PIKFYVE: variants seen among roughly 807,000 people sequenced by gnomAD.
PIKFYVE encodes the protein 1-phosphatidylinositol 3-phosphate 5-kinase.
Under a neutral mutation model 257.9 loss-of-function variants are expected in PIKFYVE, and 122 were observed. The ratio of observed to expected loss-of-function variants is 0.47; its 90% CI spans 0.41 to 0.55. The LOEUF (loss-of-function observed/expected upper bound fraction) is 0.55, where lower values mean the gene tolerates loss of function less well. PIKFYVE is among the 20% of genes least tolerant of loss of function. The probability of loss-of-function intolerance (pLI) is 0.00; values close to 1 mark genes in which losing one functional copy is unlikely to be tolerated. For synonymous variants in PIKFYVE, 892 were observed against 868.9 expected, an observed-to-expected ratio of 1.03 and a Z score of -0.47; for missense variants, 2,160 against 2,536.6, an observed-to-expected ratio of 0.85 and a Z score of 3.19.
chr2:208,287,032 G>T (rs768537645), intron 6 of PIKFYVE, among the ~76,000 whole-genome samples: 1 of 152,000 alleles, frequency 6.6e-6, no homozygotes, highest in African/African-American at 2.4e-5. Flanking sequence ...GAATCTCAGG[G>T]ACATAAAGTG....
rs773391340 is a variant in PIKFYVE, at chr2:208,285,867, G to A, written c.755G>A (p.Arg252Gln). The A allele has an allele frequency of 1.5e-5, 25 of 1,613,914 alleles. No individual in the cohort carries two copies. The highest frequency in any genetic ancestry group is 2.2e-5 in the East Asian group (1 of 44,884). ...SVSVLDPSEPRTPVGSRKASR... is the reference protein window; with the variant it reads ...SVSVLDPSEPQTPVGSRKASR... ...TCTGTGCTTGATCCAAGTGAACCCC[G>A]AACACCTGTTGGGAGTAGGAAAGCC... is the stretch of plus-strand genomic sequence containing the variant. Residue 252 changes from arginine to glutamine, a missense_variant, in exon 6 of 42, where the codon CGA (arginine) becomes CAA (glutamine). By Grantham distance (43) the Arg-to-Gln change is conservative (BLOSUM62 1). Around this residue, in one of 12 missense-constraint regions of PIKFYVE, gnomAD observed 187 missense variants for 185.6 expected, o/e 1.01. Transcript: ENST00000264380.
At chr2:208,337,982 C>T (rs946803586) in intron 28 of PIKFYVE, among the ~76,000 whole-genome samples, 5 of 152,030 alleles carry the variant, frequency 3.3e-5, no homozygotes, top group Admixed American at 6.5e-5. Context: ...CTTGGCCTCC[C>T]GAAGTTTTGG....
intron 19 of PIKFYVE, 83 bp from the exon 20 acceptor site, chr2:208,325,187 T>C: frequency 6.4e-7 from 1 of 1,559,610 alleles, no homozygotes; most frequent in Non-Finnish European, 8.8e-7. Flanking sequence ...CTTTTACAGA[T>C]ATTAAGAGAG....
At chr2:208,308,154 G>A (rs1312317237) in intron 12 of PIKFYVE, among the ~76,000 whole-genome samples, 1 of 152,088 alleles carries the variant, frequency 6.6e-6, no homozygotes, top group African/African-American at 2.4e-5. Flanking sequence ...ATCCCAGCAA[G>A]TTGGGTGGCT....
chr2:208,355,518 G>A lies in PIKFYVE; in HGVS notation c.*213G>A. ...ATACCTGTGGAGCTGTCTGTAGGTT[G>A]GGAAGTGGCATGAAAATTTTCTTAA... is the stretch of plus-strand genomic sequence containing the variant. On this transcript the variant is annotated 3_prime_UTR_variant, in exon 42 of 42. Transcript: ENST00000264380. The A allele has an allele frequency of 4.2e-6, 2 of 481,442 alleles. No homozygotes were observed. The highest frequency in any genetic ancestry group is 2.6e-5 in the South Asian group (1 of 38,124). 29.8% of individuals were successfully genotyped at this position (481,442 alleles called of 1,614,324 possible). A position where few individuals can be genotyped will look rare whatever the true frequency, so the allele number is the denominator to read the frequency against.
In PIKFYVE at chr2:208,339,507, C is replaced by T. The variant is rs1698499075; in HGVS notation, c.4762C>T (p.Gln1588Ter). Residue 1588 changes from glutamine (Q) to a stop codon, truncating the protein, a stop_gained, in exon 30 of 42, where the codon CAG (glutamine) becomes TAG (stop). Transcript: ENST00000264380. LOFTEE classifies it high-confidence loss of function. ...LPTPPEVMSE[Q>*]SVGGPPELDT... Reference sequence around the variant, plus strand: ...TACGCCACCTGAAGTCATGTCTGAACAGTCAGTGGGAGGGCCCCCTGAGCT... The same window carrying T: ...TACGCCACCTGAAGTCATGTCTGAATAGTCAGTGGGAGGGCCCCCTGAGCT... 1 of 1,614,028 alleles carries T rather than the reference C, an allele frequency of 6.2e-7. No individual in the cohort carries two copies. The highest frequency in any genetic ancestry group is 1.7e-5 in the Admixed American group (1 of 59,998).
At chr2:208,309,454 G>T (rs1320719873) in intron 12 of PIKFYVE, among the ~76,000 whole-genome samples, 4 of 152,126 alleles carry the variant, frequency 2.6e-5, no homozygotes, top group African/African-American at 9.7e-5. Flanking sequence ...ACTCCCTAGG[G>T]CAATAATAGA....
At chr2:208,348,166 A>C (rs1699414022) in intron 35 of PIKFYVE, 143 bp downstream of exon 35, 2 of 1,094,934 alleles carry the variant, frequency 1.8e-6, no homozygotes, top group Non-Finnish European at 2.7e-6. Flanking sequence ...AGTGTGGTAG[A>C]GTGGAAAAAG....
At chr2:208,311,560 G>A (rs961518664) in intron 12 of PIKFYVE, among the ~76,000 whole-genome samples, 1 of 152,088 alleles carries the variant, frequency 6.6e-6, no homozygotes, top group African/African-American at 2.4e-5. Context: ...AAGTTCACGG[G>A]GAAGTAAAGA....
chr2:208,335,191 T>C, intron 24 of PIKFYVE, 115 bp from the exon 25 acceptor site: 1 of 747,094 alleles, frequency 1.3e-6, no homozygotes, highest in South Asian at 1.6e-5. Flanking sequence ...AATACGATTT[T>C]ATAGAAACTT....
chr2:208,271,475 G>T (rs1463488476), intron 1 of PIKFYVE, 36 bp from the exon 2 acceptor site: 1 of 1,604,184 alleles, frequency 6.2e-7, no homozygotes, highest in Admixed American at 1.7e-5. Context: ...GCTTCCTGAG[G>T]AATTTAGATT....
At chr2:208,335,758 C>T (rs367619877) in intron 25 of PIKFYVE, 35 bp from the exon 26 acceptor site, 5 of 1,482,508 alleles carry the variant, frequency 3.4e-6, no homozygotes, top group Non-Finnish European at 4.7e-6. Context: ...TTGATTCACC[C>T]TTTCTAAAGT....
At chr2:208,276,523 A>G (rs1204718968) in intron 3 of PIKFYVE, among the ~76,000 whole-genome samples, 189 bp from the exon 4 acceptor site, 2 of 152,222 alleles carry the variant, frequency 1.3e-5, no homozygotes, top group African/African-American at 2.4e-5. Context: ...AGCATTTTAC[A>G]TGAGAAGAAA....
At chr2:208,327,665 G>A (rs1398489756) in intron 20 of PIKFYVE, among the ~76,000 whole-genome samples, 1 of 152,176 alleles carries the variant, frequency 6.6e-6, no homozygotes, top group Non-Finnish European at 1.5e-5. Flanking sequence ...CCGCAGCTTA[G>A]GAGGTGGAGT....
In PIKFYVE at chr2:208,326,277, C is replaced by T. The variant is rs899049915; in HGVS notation, c.3466C>T (p.Arg1156Ter). 7 of 1,594,078 alleles carry T rather than the reference C, an allele frequency of 4.4e-6. No individual in the cohort carries two copies. The highest frequency in any genetic ancestry group is 1.7e-5 in the Admixed American group (1 of 57,546). The change falls in exon 20 of 42, where the codon CGA becomes TGA. Residue 1156 changes from arginine to a stop codon, truncating the protein, a stop_gained. Coordinates refer to ENST00000264380, the MANE Select transcript of PIKFYVE (RefSeq NM_015040.4). LOFTEE classifies it high-confidence loss of function. ...CTTGGGTAGAATGCTGGCCGATTAT[C>T]GAGCCAGAGGAGGAAGAATTCAGCC... ...QSLGRMLADY[R>*]ARGGRIQPKN... is the part of the protein sequence containing the mutation.
chr2:208,267,593 G>T (rs1019866195), intron 1 of PIKFYVE, among the ~76,000 whole-genome samples: 1 of 134,744 alleles, frequency 7.4e-6, no homozygotes, highest in African/African-American at 2.8e-5. Flanking sequence ...TGCAACCTCC[G>T]CCTCCCAGGG....
intron 7 of PIKFYVE, among the ~76,000 whole-genome samples, chr2:208,290,679 T>G (rs1321415896): frequency 3.3e-5 from 5 of 152,206 alleles, no homozygotes. Context: ...TTTAATTTTG[T>G]GAGGCACTGC....
At chr2:208,274,041 C>G (rs751832611) in intron 3 of PIKFYVE, 2 of 1,612,036 alleles carry the variant, frequency 1.2e-6, no homozygotes, top group South Asian at 2.2e-5. Flanking sequence ...GCAACATCCC[C>G]AGGAGAACAC....
chr2:208,323,365 G>GT (rs1416805433), intron 17 of PIKFYVE, among the ~76,000 whole-genome samples: 1 of 144,092 alleles, frequency 6.9e-6, no homozygotes, highest in Non-Finnish European at 1.5e-5. Context: ...GTGGTGTTTG[G>GT]TTTTTTGTCC....
Sources: allele counts gnomAD v4.1 joint callset (sites outside exome capture counted in the v4.1 genomes callset), GRCh38; gene constraint gnomAD v4.1.1; regional missense constraint gnomAD v4.1.1; transcripts MANE v1.5; gene names NCBI Gene and HGNC (gene_info 2026-07-23, HGNC 2026-07-21).